Variants in CDC42BPA observed in about 807,000 individuals in gnomAD.
The protein encoded by CDC42BPA is serine/threonine-protein kinase MRCK alpha.
In CDC42BPA, 80 loss-of-function variants were observed where a neutral mutation model predicts 223.5. The observed-to-expected ratio is 0.36, with a 90% CI of 0.30 to 0.43. The LOEUF (loss-of-function observed/expected upper bound fraction) is 0.43, where lower values mean the gene tolerates loss of function less well. Ranked by LOEUF, CDC42BPA falls within the 20% of genes least tolerant of loss-of-function variation. The probability of loss-of-function intolerance (pLI) is 1.00; values close to 1 mark genes in which losing one functional copy is unlikely to be tolerated. For missense variants in CDC42BPA, 1,743 were observed against 2,099.9 expected, an observed-to-expected ratio of 0.83 and a Z score of 3.32; for synonymous variants, 694 against 718.6, an observed-to-expected ratio of 0.97 and a Z score of 0.55.
chr1:227,264,889 C>G, intron 1 of CDC42BPA: 1 of 1,491,866 alleles, frequency 6.7e-7, no homozygotes, highest in South Asian at 1.1e-5. Flanking sequence ...TTTTCAATTC[C>G]TCTTCTGAAA....
chr1:227,100,592 C>T (rs1040504060), intron 15 of CDC42BPA, among the ~76,000 whole-genome samples: 4 of 144,530 alleles, frequency 2.8e-5, no homozygotes, highest in African/African-American at 1.0e-4. Context: ...AGAAGTTTAT[C>T]GTTTCTTTCT....
chr1:227,270,133 C>T (rs1685724497), intron 1 of CDC42BPA, among the ~76,000 whole-genome samples: 2 of 152,004 alleles, frequency 1.3e-5, no homozygotes, highest in Non-Finnish European at 1.5e-5. Context: ...ATGAAGTAGA[C>T]CCACATGAAT....
rs114588898 is a variant in CDC42BPA, at chr1:227,160,094, A to C, written c.693+449T>G. Among the ~76,000 whole-genome samples, 907 of 152,332 alleles carry C rather than the reference A, an allele frequency of 6.0e-3. 10 individuals are homozygous for C. Among genetic ancestry groups the C allele is most frequent in the African/African-American group, 0.021 (854 of 41,566 alleles). The stretch of plus-strand genomic sequence containing the variant: ...GAACATGAAACTAAATCAACTTGTG[A>C]ACTTTCTGAAAAAGGGATTCATTTG... On this transcript the variant is annotated intron_variant, in intron 6 of 36. Transcript: ENST00000366766.
At chr1:227,274,046 A>G (rs1686505466) in intron 1 of CDC42BPA, among the ~76,000 whole-genome samples, 1 of 147,744 alleles carries the variant, frequency 6.8e-6, no homozygotes, top group African/African-American at 2.5e-5. Context: ...CCCACCCTGT[A>G]AATTTGAGAG....
intron 15 of CDC42BPA, among the ~76,000 whole-genome samples, chr1:227,097,027 A>G (rs994520307): frequency 6.6e-6 from 1 of 152,174 alleles, no homozygotes; most frequent in African/African-American, 2.4e-5. Flanking sequence ...TAGGTTAAAA[A>G]AAACAAAACA....
intron 10 of CDC42BPA, among the ~76,000 whole-genome samples, chr1:227,136,934 A>G (rs562511613): frequency 1.8e-4 from 27 of 152,198 alleles, no homozygotes; most frequent in Admixed American, 9.2e-4. Flanking sequence ...GATTCCAGAT[A>G]GAAACATGGA....
At chr1:227,023,473 C>G in intron 31 of CDC42BPA, 126 bp from the exon 32 acceptor site, 1 of 500,636 alleles carries the variant, frequency 2.0e-6, no homozygotes, top group Non-Finnish European at 3.5e-6. Flanking sequence ...ATGCAGCCCT[C>G]TCAGAAAAAT....
intron 6 of CDC42BPA, among the ~76,000 whole-genome samples, chr1:227,156,545 T>C (rs977591599): frequency 6.6e-6 from 1 of 151,994 alleles, no homozygotes; most frequent in Non-Finnish European, 1.5e-5. Context: ...GAAAACCATT[T>C]TGAGTTCATC....
intron 11 of CDC42BPA, among the ~76,000 whole-genome samples, chr1:227,124,762 A>G (rs986961434): frequency 2.0e-5 from 3 of 152,278 alleles, no homozygotes; most frequent in African/African-American, 7.2e-5. Flanking sequence ...CCTGGAGGCA[A>G]TGAGGATCCA....
intron 11 of CDC42BPA, among the ~76,000 whole-genome samples, chr1:227,124,658 G>A (rs1354268498): frequency 6.6e-6 from 1 of 152,096 alleles, no homozygotes; most frequent in Non-Finnish European, 1.5e-5. Flanking sequence ...GAATCACTGG[G>A]CAAGGAAGTA....
chr1:227,276,436 G>A (rs572685539), intron 1 of CDC42BPA, among the ~76,000 whole-genome samples: 17 of 151,896 alleles, frequency 1.1e-4, no homozygotes, highest in African/African-American at 2.4e-4. Context: ...CAGCTGCCCC[G>A]TCCGGGAGGG....
At chr1:227,253,615 C>A (rs61834594) in intron 2 of CDC42BPA, among the ~76,000 whole-genome samples, 14,448 of 99,956 alleles carry the variant, frequency 0.14, 872 homozygotes, top group South Asian at 0.23. Flanking sequence ...TAAATACATA[C>A]ATACATACAT....
intron 2 of CDC42BPA, among the ~76,000 whole-genome samples, chr1:227,238,530 T>C (rs1455998942): frequency 2.6e-5 from 4 of 152,236 alleles, no homozygotes; most frequent in East Asian, 3.9e-4. Context: ...AGAAGAGTAG[T>C]TGCCACAGAG....
chr1:227,057,531 T>C (rs918414945), intron 21 of CDC42BPA, among the ~76,000 whole-genome samples: 3 of 151,896 alleles, frequency 2.0e-5, no homozygotes, highest in Non-Finnish European at 4.4e-5. Context: ...GGTTCTACAC[T>C]ATACCACTGA....
intron 33 of CDC42BPA, 38 bp downstream of exon 33, chr1:227,016,889 C>T (rs1182433982): frequency 2.5e-6 from 4 of 1,578,576 alleles, no homozygotes; most frequent in Non-Finnish European, 2.6e-6. Flanking sequence ...CTTGATGGTA[C>T]AAGCAAGCAT....
chr1:227,021,212 C>T (rs956084544), intron 32 of CDC42BPA, among the ~76,000 whole-genome samples: 5 of 152,080 alleles, frequency 3.3e-5, no homozygotes, highest in East Asian at 1.9e-4. Context: ...GAAGTCAACA[C>T]GCGCTGTTGG....
At chr1:227,145,012 G>A (rs527371669) in intron 8 of CDC42BPA, among the ~76,000 whole-genome samples, 1 of 152,272 alleles carries the variant, frequency 6.6e-6, no homozygotes, top group African/African-American at 2.4e-5. Flanking sequence ...TAGTGGGGAT[G>A]GACGTGTGTG....
rs569879499 is a variant in CDC42BPA at position 227,129,666 on chromosome 1, C to CAAAAAAAAAAAAAAA, written c.1391-450_1391-436dup. Reference sequence around the variant, plus strand: ...TGGGAGACAAAGTGAGACTGTATCTCAAAAAAAAAAAAAAAAAAAAAAAAA... The same window carrying CAAAAAAAAAAAAAAA: ...TGGGAGACAAAGTGAGACTGTATCTCAAAAAAAAAAAAAAAAAAAAAAAAAAAAAAAAAAAAAAAA... On this transcript the variant is annotated intron_variant, in intron 10 of 36. Coordinates refer to ENST00000366766, the MANE Select transcript of CDC42BPA (RefSeq NM_001394014.1). Among the ~76,000 whole-genome samples the CAAAAAAAAAAAAAAA allele has an allele frequency of 1.3e-3, 44 of 33,918 alleles. 7 individuals are homozygous for CAAAAAAAAAAAAAAA. The highest frequency in any genetic ancestry group is 2.8e-3 in the East Asian group (2 of 726). The allele number at this position is 33,918 out of a possible 152,430, so 22.3% of individuals were successfully genotyped here.
At position 227,089,635 on chromosome 1, in the gene CDC42BPA, T is replaced by TTTG. The variant is rs1414414371; in HGVS notation, c.2355+2250_2355+2251insCAA. Among the ~76,000 whole-genome samples the TTTG allele has an allele frequency of 3.6e-5, 5 of 138,188 alleles. No individual in the cohort carries two copies. The East Asian group carries it at 8.1e-4, about 22-fold the overall frequency. The allele number at this position is 138,188 out of a possible 152,430, so 90.7% of individuals were successfully genotyped here. ...CAAGAATGGGTAATTCCGTTTTTTT[T>TTTG]TTTTTTTTTTTTTTTTAAAAACAAA... is the stretch of plus-strand genomic sequence containing the variant. On this transcript the variant is annotated intron_variant, in intron 16 of 36. Transcript: ENST00000366766.
Sources: gnomAD v4.1 joint callset for allele counts (sites outside exome capture counted in the v4.1 genomes callset) on GRCh38, gnomAD v4.1.1 for gene constraint, MANE v1.5 for transcripts, NCBI Gene and HGNC (gene_info 2026-07-23, HGNC 2026-07-21) for gene names.